Variants in DHX57 observed in about 807,000 individuals in gnomAD.
DHX57 encodes the protein DExH-box helicase 57.
In DHX57, 105 loss-of-function variants were observed where a neutral mutation model predicts 156.2. That is an observed-to-expected ratio of 0.67 (90% CI 0.57 to 0.79). The LOEUF is 0.79. DHX57 is among the 30% of genes least tolerant of loss of function. DHX57 has a pLI of 0.00. For synonymous variants in DHX57, 704 were observed against 595.6 expected, an observed-to-expected ratio of 1.18 and a Z score of -2.65; for missense variants, 1,847 against 1,661.9, an observed-to-expected ratio of 1.11 and a Z score of -1.94.
intron 22 of DHX57, 57 bp downstream of exon 22, chr2:38,806,502 T>C (rs534442272): frequency 2.0e-5 from 31 of 1,577,540 alleles, no homozygotes; most frequent in South Asian, 7.0e-5. Context: ...ATTTAAGGAA[T>C]TGCATTTCCT....
At chr2:38,833,055 G>A (rs1325516253) in intron 13 of DHX57, among the ~76,000 whole-genome samples, 4 of 147,232 alleles carry the variant, frequency 2.7e-5, no homozygotes, top group Admixed American at 2.1e-4. Flanking sequence ...GTGCCTGGCC[G>A]AAATCTCTAC....
intron 9 of DHX57, among the ~76,000 whole-genome samples, chr2:38,848,931 A>T (rs1672432818): frequency 6.6e-6 from 1 of 152,190 alleles, no homozygotes; most frequent in African/African-American, 2.4e-5. Flanking sequence ...CTGTATAAAG[A>T]TATAAATTCT....
chr2:38,827,525 TATATATATACAC>T (rs765029290), intron 14 of DHX57, among the ~76,000 whole-genome samples: 4,045 of 57,438 alleles, frequency 0.07, 1,253 homozygotes, highest in East Asian at 0.2. Flanking sequence ...TATATATATA[TATATATATACAC>T]ACATACATAT....
In DHX57 at chr2:38,861,668, G is replaced by T. The variant is rs749978851; in HGVS notation, c.742C>A (p.Arg248=). The change falls in exon 5 of 24, where the codon CGA becomes AGA. Residue 248 remains arginine, a synonymous_variant. Coordinates refer to ENST00000457308, the MANE Select transcript of DHX57 (RefSeq NM_198963.3). ...TTGAGAGCAAATGCCTCTTCCTGTC[G>T]CTGTTCCATACACTCATCCAAGCTT... is the stretch of plus-strand genomic sequence containing the variant. ...QISLDECMEQ[R]QEEAFALKSI... is the part of the protein sequence containing the mutation. The T allele has an allele frequency of 2.5e-6, 4 of 1,614,046 alleles. No individual in the cohort carries two copies. The highest frequency in any genetic ancestry group is 3.4e-6 in the Non-Finnish European group (4 of 1,180,008).
At chr2:38,805,465 A>G (rs775062049) in intron 22 of DHX57, among the ~76,000 whole-genome samples, 3 of 152,218 alleles carry the variant, frequency 2.0e-5, no homozygotes, top group Non-Finnish European at 2.9e-5. Flanking sequence ...GCAGCAGTAG[A>G]GTAGTAGAAG....
chr2:38,813,463 C>T (rs534940127), intron 21 of DHX57, among the ~76,000 whole-genome samples: 36 of 151,438 alleles, frequency 2.4e-4, no homozygotes, highest in South Asian at 1.9e-3. Context: ...CTCCGACTCC[C>T]GGGTTCATGC....
rs113261999 is a variant in DHX57 at position 38,858,810 on chromosome 2, A to T, written c.1438T>A (p.Ser480Thr). 1.1e-5 allele frequency: 18 copies of T among 1,611,728 alleles called. No homozygotes were observed. In the African/African-American group the frequency reaches 2.3e-4, roughly 20 times the overall value. Residue 480 changes from serine (S) to threonine (T), a missense_variant, in exon 6 of 24, where the codon TCA becomes ACA. By Grantham distance (58) the Ser-to-Thr change is moderately conservative (BLOSUM62 1). Coordinates refer to ENST00000457308, the MANE Select transcript of DHX57 (RefSeq NM_198963.3). ...EVEKASESEE[S>T]DEDDGPAPVI... is the part of the protein sequence containing the mutation. ...GGTGCAGGACCGTCATCCTCATCTGACTCCTCAGATTCTGATGCTTTTTCA... is the reference window on the plus strand; with the variant it reads ...GGTGCAGGACCGTCATCCTCATCTGTCTCCTCAGATTCTGATGCTTTTTCA...
chr2:38,856,251 A>C, intron 7 of DHX57, 89 bp downstream of exon 7: 1 of 1,508,652 alleles, frequency 6.6e-7, no homozygotes, highest in South Asian at 1.3e-5. Flanking sequence ...ATCCAGCTAC[A>C]GTTTTTAACA....
intron 13 of DHX57, among the ~76,000 whole-genome samples, chr2:38,836,646 C>A (rs1671673764): frequency 6.6e-6 from 1 of 151,896 alleles, no homozygotes; most frequent in African/African-American, 2.4e-5. Context: ...TGGAGGTGCA[C>A]ACCTGTAGTC....
At chr2:38,826,802 TC>T in intron 14 of DHX57, 113 bp from the exon 15 acceptor site, 1 of 1,146,014 alleles carries the variant, frequency 8.7e-7, no homozygotes, top group Non-Finnish European at 1.2e-6. Context: ...TAGCAACTTC[TC>T]CACAACCTGT....
intron 20 of DHX57, among the ~76,000 whole-genome samples, chr2:38,815,109 C>T (rs994909145): frequency 2.6e-5 from 4 of 151,710 alleles, no homozygotes; most frequent in African/African-American, 4.8e-5. Context: ...CTCTGTTGCC[C>T]AGGCTAGAGT....
At chr2:38,842,867 G>A (rs929204898) in intron 12 of DHX57, 138 bp downstream of exon 12, 1 of 847,068 alleles carries the variant, frequency 1.2e-6, no homozygotes, top group Non-Finnish European at 1.8e-6. Flanking sequence ...TATTTTTCTA[G>A]GTTTAAGGTT....
Position 38,858,714 on chromosome 2 carries a change from T to C in DHX57, c.1534A>G (p.Lys512Glu), listed in dbSNP as rs775345978. ...KISKRYDWQA[K>E]SVHAENGKIC... ...TTACCATTTTCAGCATGTACTGACT[T>C]TGCCTGCCAGTCATATCTTTTGGAA... The change falls in exon 6 of 24, where the codon AAG becomes GAG. Residue 512 changes from lysine (K) to glutamate (E), a missense_variant. Transcript: ENST00000457308. 1.9e-6 allele frequency: 3 copies of C among 1,614,114 alleles called. No homozygotes were observed. The highest frequency in any genetic ancestry group is 2.5e-6 in the Non-Finnish European group (3 of 1,180,014).
At position 38,868,237 on chromosome 2, in the gene DHX57, T is replaced by G; in HGVS notation, c.169A>C (p.Ile57Leu). Residue 57 changes from isoleucine to leucine, a missense_variant, in exon 2 of 24, where the codon ATA becomes CTA. Transcript: ENST00000457308. The part of the protein sequence containing the change: ...GGGNRKASSR[I>L]WDDGDDFCIF... ...CAAAAGTCATCTCCATCATCCCATA[T>G]TCTACTGGAGGCCTTTCTGTTGCCG... 1 of 1,614,142 alleles carries G rather than the reference T, an allele frequency of 6.2e-7. No homozygotes were observed. Among genetic ancestry groups the G allele is most frequent in the Non-Finnish European group, 8.5e-7 (1 of 1,180,034 alleles).
chr2:38,834,272 G>A (rs996991241), intron 13 of DHX57, among the ~76,000 whole-genome samples: 8 of 149,824 alleles, frequency 5.3e-5, no homozygotes, highest in Non-Finnish European at 1.2e-4. Flanking sequence ...CGGAGGTTGC[G>A]GTGAGCCGAG....
At position 38,862,133 on chromosome 2, in the gene DHX57, CA is replaced by C; in HGVS notation, c.572+11del. The C allele has an allele frequency of 6.3e-7, 1 of 1,581,012 alleles. No homozygotes were observed. The highest frequency in any genetic ancestry group is 8.6e-7 in the Non-Finnish European group (1 of 1,160,868). On this transcript the variant is annotated intron_variant, in intron 4 of 23. Coordinates refer to ENST00000457308, the MANE Select transcript of DHX57 (RefSeq NM_198963.3). The stretch of plus-strand genomic sequence containing the variant: ...TTCTTTCCCAACTCCCATAAATGAT[CA>C]AAGCAATCACCTGGAAAGTTTTTGC...
At chr2:38,863,739 G>A (rs1047964316) in intron 2 of DHX57, among the ~76,000 whole-genome samples, 7 of 152,122 alleles carry the variant, frequency 4.6e-5, no homozygotes, top group African/African-American at 9.7e-5. Flanking sequence ...TTGGCCAGGC[G>A]CAGTGGCTCA....
At position 38,798,153 on chromosome 2, in the gene DHX57, C is replaced by T; in HGVS notation, c.*146G>A. ...AGAAATGGCCCTAAGGGTATATACA[C>T]TGCCTCAGCTGCCTTGGGCTTCATG... On this transcript the variant is annotated 3_prime_UTR_variant, in exon 24 of 24. Coordinates refer to ENST00000457308, the MANE Select transcript of DHX57 (RefSeq NM_198963.3). The T allele has an allele frequency of 2.8e-6, 3 of 1,080,420 alleles. No individual in the cohort carries two copies. The highest frequency in any genetic ancestry group is 2.4e-5 in the East Asian group (1 of 40,828). 66.9% of individuals were successfully genotyped at this position (1,080,420 alleles called of 1,614,324 possible).
At position 38,875,683 on chromosome 2, in the gene DHX57, C is replaced by G. The variant is rs545523580; in HGVS notation, c.-7+104G>C. 101 of 195,790 alleles carry G rather than the reference C, an allele frequency of 5.2e-4. 2 individuals are homozygous for G. The South Asian group carries it at 5.9e-3, about 11-fold the overall frequency. 12.1% of individuals were successfully genotyped at this position (195,790 alleles called of 1,614,324 possible). On this transcript the variant is annotated intron_variant, in intron 1 of 23. Transcript: ENST00000457308. The stretch of plus-strand genomic sequence containing the variant: ...CTGGGCCGCGATGCTCGTCAGATCC[C>G]GACCACTCCTGGAGCAGGAGGCGGC...
Sources: gnomAD v4.1 joint callset for allele counts (sites outside exome capture counted in the v4.1 genomes callset) on GRCh38, gnomAD v4.1.1 for gene constraint, MANE v1.5 for transcripts, NCBI Gene and HGNC (gene_info 2026-07-23, HGNC 2026-07-21) for gene names.